LHFPL2: variants seen among roughly 807,000 people sequenced by gnomAD.
LHFPL2 encodes the protein LHFPL tetraspan subfamily member 2 protein.
Under a neutral mutation model 17.5 loss-of-function variants are expected in LHFPL2, and 7 were observed. The observed-to-expected ratio is 0.40, with a 90% CI of 0.23 to 0.75. LHFPL2 has a LOEUF of 0.75. LHFPL2 is among the 30% of genes least tolerant of loss of function. The pLI is 0.37. For missense variants in LHFPL2, 241 were observed against 294.8 expected (o/e 0.82, Z 1.34); for synonymous variants, 134 against 116.2 (o/e 1.15, Z -0.99).
chr5:78,501,716 T>C (rs544872908), intron 4 of LHFPL2, among the ~76,000 whole-genome samples: 3 of 152,232 alleles, frequency 2.0e-5, no homozygotes, highest in Non-Finnish European at 4.4e-5. Context: ...CTACATGGCT[T>C]ACTCCATCTC....
At chr5:78,499,809 C>T (rs1278151870) in intron 4 of LHFPL2, among the ~76,000 whole-genome samples, 3 of 152,168 alleles carry the variant, frequency 2.0e-5, no homozygotes, top group Non-Finnish European at 4.4e-5. Context: ...ATTCCATCTC[C>T]ACTCTCTTCC....
chr5:78,506,034 A>AG (rs1269113126), intron 4 of LHFPL2, among the ~76,000 whole-genome samples: 1 of 152,232 alleles, frequency 6.6e-6, no homozygotes, highest in African/African-American at 2.4e-5. Flanking sequence ...AGAAAGTATC[A>AG]GCCGGGTGTC....
rs1237237534 is a variant in LHFPL2, at chr5:78,532,353, C to A, written c.-185-21955G>T. On this transcript the variant is annotated intron_variant, in intron 3 of 4. Coordinates refer to ENST00000380345, the MANE Select transcript of LHFPL2 (RefSeq NM_005779.3). Reference sequence around the variant, plus strand: ...GGGACTACAGACATGAGCCATTGCACCTAACCCTGACTCAGCTTTGACCTT... The same window carrying A: ...GGGACTACAGACATGAGCCATTGCAACTAACCCTGACTCAGCTTTGACCTT... 3.3e-5 allele frequency among the ~76,000 whole-genome samples: 5 copies of A among 152,192 alleles called. No individual in the cohort carries two copies. In the East Asian group the frequency reaches 9.6e-4, roughly 29 times the overall value.
chr5:78,511,781 A>C (rs150819299), intron 3 of LHFPL2, among the ~76,000 whole-genome samples: 101 of 152,328 alleles, frequency 6.6e-4, no homozygotes, highest in African/African-American at 2.4e-3. Flanking sequence ...TAAAATCCTC[A>C]TATCATGGTA....
At chr5:78,499,418 G>A (rs1432701849) in intron 4 of LHFPL2, among the ~76,000 whole-genome samples, 1 of 152,208 alleles carries the variant, frequency 6.6e-6, no homozygotes, top group African/African-American at 2.4e-5. Context: ...TGACATATGA[G>A]GAAACTGAGG....
intron 2 of LHFPL2, among the ~76,000 whole-genome samples, chr5:78,613,783 T>A (rs2112489483): frequency 6.6e-6 from 1 of 152,302 alleles, no homozygotes; most frequent in Non-Finnish European, 1.5e-5. Context: ...CAGTCCAAAA[T>A]CCAGCTCTAC....
At chr5:78,625,228 CACA>C (rs1561370853) in intron 2 of LHFPL2, 4 of 152,246 alleles carry the variant, frequency 2.6e-5, no homozygotes, top group African/African-American at 7.2e-5. Context: ...CACACACACA[CACA>C]CCCCTCTACA....
intron 2 of LHFPL2, among the ~76,000 whole-genome samples, chr5:78,623,657 T>C (rs1744936325): frequency 6.6e-6 from 1 of 152,234 alleles, no homozygotes. Flanking sequence ...CCCACCTCAC[T>C]TTTGTTTATA....
intron 3 of LHFPL2, among the ~76,000 whole-genome samples, chr5:78,553,019 T>C (rs1375012480): frequency 6.6e-6 from 1 of 152,212 alleles, no homozygotes; most frequent in African/African-American, 2.4e-5. Flanking sequence ...GGTGGAAATC[T>C]GGATGTGAGT....
At chr5:78,553,947 T>C (rs939491271) in intron 3 of LHFPL2, among the ~76,000 whole-genome samples, 1 of 152,256 alleles carries the variant, frequency 6.6e-6, no homozygotes, top group Non-Finnish European at 1.5e-5. Flanking sequence ...AGGCACAATA[T>C]GTCATTTGGG....
chr5:78,511,047 C>A (rs1755105335), intron 3 of LHFPL2, among the ~76,000 whole-genome samples: 1 of 151,948 alleles, frequency 6.6e-6, no homozygotes, highest in African/African-American at 2.4e-5. Context: ...ATACTTTATC[C>A]ATTTTTCACA....
At chr5:78,627,670 A>C (rs983213606) in intron 2 of LHFPL2, among the ~76,000 whole-genome samples, 1 of 152,146 alleles carries the variant, frequency 6.6e-6, no homozygotes, top group African/African-American at 2.4e-5. Flanking sequence ...ATGAACAGAA[A>C]TACCTGCCTA....
intron 3 of LHFPL2, among the ~76,000 whole-genome samples, chr5:78,525,180 G>GT (rs1236656359): frequency 1.3e-5 from 2 of 152,202 alleles, no homozygotes; most frequent in African/African-American, 4.8e-5. Flanking sequence ...TCCTGCTCCA[G>GT]AAGGTACTGC....
chr5:78,571,398 C>G (rs188364538), intron 2 of LHFPL2, among the ~76,000 whole-genome samples: 1 of 152,218 alleles, frequency 6.6e-6, no homozygotes, highest in Non-Finnish European at 1.5e-5. Flanking sequence ...CTTCTCTGAA[C>G]CCACCCTCGC....
chr5:78,589,269 G>T (rs891929512), intron 2 of LHFPL2, among the ~76,000 whole-genome samples: 1 of 152,076 alleles, frequency 6.6e-6, no homozygotes, highest in Non-Finnish European at 1.5e-5. Context: ...AGGAGATCGA[G>T]ACCATCCTGG....
intron 2 of LHFPL2, among the ~76,000 whole-genome samples, chr5:78,631,445 G>C (rs548557223): frequency 6.6e-6 from 1 of 152,368 alleles, no homozygotes; most frequent in Non-Finnish European, 1.5e-5. Context: ...CTCCATGCCA[G>C]AAACCATGCT....
chr5:78,561,945 C>A (rs1210862593), intron 3 of LHFPL2, among the ~76,000 whole-genome samples: 1 of 152,190 alleles, frequency 6.6e-6, no homozygotes, highest in Non-Finnish European at 1.5e-5. Flanking sequence ...TCAAAGCCTT[C>A]TCACAATTCT....
In LHFPL2 at chr5:78,632,329, T is replaced by C. The variant is rs1467353006; in HGVS notation, c.-310A>G. 2 of 152,210 alleles carry C rather than the reference T, an allele frequency of 1.3e-5. No homozygotes were observed. Among genetic ancestry groups the C allele is most frequent in the African/African-American group, 4.8e-5 (2 of 41,446 alleles). 9.4% of individuals were successfully genotyped at this position (152,210 alleles called of 1,614,324 possible). ...GCTTCTTAACAAAATGCAGAAACCA[T>C]AGGCCAGCTGTCAACTCAAGAGTCT... On this transcript the variant is annotated 5_prime_UTR_variant, in exon 2 of 5. An upstream start codon of the reference 5' UTR is lost. Transcript: ENST00000380345.
intron 3 of LHFPL2, among the ~76,000 whole-genome samples, chr5:78,526,282 G>A (rs1331104169): frequency 2.0e-5 from 3 of 152,092 alleles, no homozygotes; most frequent in Admixed American, 6.5e-5. Context: ...AAATCTCCTT[G>A]GGTTTAGAAA....
Sources: allele counts gnomAD v4.1 joint callset (sites outside exome capture counted in the v4.1 genomes callset), GRCh38; gene constraint gnomAD v4.1.1; transcripts MANE v1.5; gene names NCBI Gene and HGNC (gene_info 2026-07-23, HGNC 2026-07-21).